Variants in GRID1 observed in about 807,000 individuals in gnomAD.
GRID1 encodes glutamate receptor ionotropic, delta-1.
A neutral mutation model predicts 98.0 loss-of-function variants in GRID1; 28 were observed. The observed-to-expected ratio is 0.29, with a 90% CI of 0.21 to 0.39. GRID1 has a LOEUF of 0.39. Among genes scored for constraint, GRID1 ranks in the 10% least tolerant of loss-of-function variants. GRID1 has a pLI of 1.00. For missense variants in GRID1, 1,111 were observed against 1,340.5 expected, an observed-to-expected ratio of 0.83 and a Z score of 2.67; for synonymous variants, 553 against 538.5, an observed-to-expected ratio of 1.03 and a Z score of -0.37.
At chr10:86,274,184 G>T (rs1296987686) in intron 2 of GRID1, among the ~76,000 whole-genome samples, 11 of 152,110 alleles carry the variant, frequency 7.2e-5, no homozygotes, top group African/African-American at 2.4e-4. Flanking sequence ...TTTCCCCATT[G>T]CTTGTTTTTC....
chr10:85,724,724 C>A (rs1000809027), intron 10 of GRID1, 48 bp from the exon 11 acceptor site: 2 of 1,514,308 alleles, frequency 1.3e-6, no homozygotes, highest in Non-Finnish European at 1.8e-6. Flanking sequence ...CAGCTTACTG[C>A]TGGGTTCTGC....
At chr10:86,026,003 C>T (rs569705609) in intron 4 of GRID1, among the ~76,000 whole-genome samples, 2 of 152,380 alleles carry the variant, frequency 1.3e-5, no homozygotes, top group African/African-American at 4.8e-5. Flanking sequence ...ACACCACCCT[C>T]TGGCTTGTTC....
chr10:86,255,194 T>C (rs908400695), intron 2 of GRID1, among the ~76,000 whole-genome samples: 2 of 152,252 alleles, frequency 1.3e-5, no homozygotes, highest in African/African-American at 4.8e-5. Flanking sequence ...GATGCAAACA[T>C]GCTTTTCTTT....
At chr10:85,920,468 C>T (rs1003778259) in intron 4 of GRID1, among the ~76,000 whole-genome samples, 8 of 152,184 alleles carry the variant, frequency 5.3e-5, no homozygotes, top group African/African-American at 1.9e-4. Context: ...ATTCAACAGA[C>T]AGAGCCCACC....
chr10:86,228,073 T>C (rs866713089), intron 2 of GRID1, among the ~76,000 whole-genome samples: 2 of 150,212 alleles, frequency 1.3e-5, no homozygotes, highest in Non-Finnish European at 3.0e-5. Flanking sequence ...GGGGACCGGG[T>C]TGGGGTGGAT....
chr10:86,104,438 C>A (rs1033563081), intron 4 of GRID1, among the ~76,000 whole-genome samples: 1 of 152,204 alleles, frequency 6.6e-6, no homozygotes, highest in Non-Finnish European at 1.5e-5. Context: ...TTAGCCAGGG[C>A]ATAGGATTCC....
intron 4 of GRID1, among the ~76,000 whole-genome samples, chr10:86,068,588 G>A (rs1443335039): frequency 6.6e-6 from 1 of 152,114 alleles, no homozygotes; most frequent in African/African-American, 2.4e-5. Flanking sequence ...TCCCACGTGG[G>A]GCTCCTGCCT....
At chr10:85,866,190 C>T (rs1013211207) in intron 6 of GRID1, among the ~76,000 whole-genome samples, 1 of 147,446 alleles carries the variant, frequency 6.8e-6, no homozygotes, top group Non-Finnish European at 1.5e-5. Flanking sequence ...GAGATGTGGA[C>T]AGTAAGTGGT....
In GRID1 at chr10:85,707,289, C is replaced by T. The variant is rs1841531603; in HGVS notation, c.1997+15714G>A. Among the ~76,000 whole-genome samples, 3 of 152,124 alleles carry T rather than the reference C, an allele frequency of 2.0e-5. No homozygotes were observed. The South Asian group carries it at 6.2e-4, about 32-fold the overall frequency. On this transcript the variant is annotated intron_variant, in intron 12 of 15. Coordinates refer to ENST00000327946, the MANE Select transcript of GRID1 (RefSeq NM_017551.3). ...AAGAAAAAAAAACAAACAATCCCAT[C>T]AAAAAGTGGGCTAAAGGATATGAAC...
chr10:85,797,033 A>T (rs1842531632), intron 8 of GRID1, among the ~76,000 whole-genome samples: 1 of 152,184 alleles, frequency 6.6e-6, no homozygotes, highest in Admixed American at 6.5e-5. Context: ...TACCTGGAAA[A>T]TTTTATTTTG....
chr10:85,630,640 T>G (rs1355156328), intron 13 of GRID1, among the ~76,000 whole-genome samples: 1 of 152,060 alleles, frequency 6.6e-6, no homozygotes, highest in African/African-American at 2.4e-5. Context: ...CTTCTCCAGA[T>G]CTGGTATTCT....
chr10:85,746,646 C>T (rs1010907003), intron 8 of GRID1, among the ~76,000 whole-genome samples: 23 of 152,058 alleles, frequency 1.5e-4, no homozygotes, highest in African/African-American at 5.6e-4. Flanking sequence ...ATGTAGATGT[C>T]CTGGAAGATA....
At chr10:86,126,782 G>A (rs1308855938) in intron 4 of GRID1, among the ~76,000 whole-genome samples, 1 of 152,208 alleles carries the variant, frequency 6.6e-6, no homozygotes, top group Non-Finnish European at 1.5e-5. Context: ...ACAAGAAATA[G>A]TGACCACACC....
intron 4 of GRID1, among the ~76,000 whole-genome samples, chr10:86,038,593 C>G (rs1306443298): frequency 6.6e-6 from 1 of 152,208 alleles, no homozygotes; most frequent in Non-Finnish European, 1.5e-5. Flanking sequence ...GAAACCATAC[C>G]CTGGAAGTCC....
intron 8 of GRID1, among the ~76,000 whole-genome samples, chr10:85,796,058 G>A (rs1377512971): frequency 6.6e-6 from 1 of 152,168 alleles, no homozygotes; most frequent in African/African-American, 2.4e-5. Context: ...GATCAGTCAT[G>A]GGAAGCCTTC....
intron 12 of GRID1, among the ~76,000 whole-genome samples, chr10:85,692,261 T>C (rs1841341538): frequency 6.6e-6 from 1 of 152,174 alleles, no homozygotes; most frequent in African/African-American, 2.4e-5. Context: ...TGGAGAACTA[T>C]AAAATGAATG....
At chr10:85,830,071 A>G (rs1204137991) in intron 8 of GRID1, among the ~76,000 whole-genome samples, 1 of 152,248 alleles carries the variant, frequency 6.6e-6, no homozygotes, top group Non-Finnish European at 1.5e-5. Flanking sequence ...CTACAAGGCT[A>G]CAGTAGCCAG....
rs184272739 is a variant in GRID1 at position 85,792,451 on chromosome 10, A to C, written c.1233+62045T>G. On this transcript the variant is annotated intron_variant, in intron 8 of 15. Transcript: ENST00000327946. ...TGATTTTCACTCTTGGCTGCACTTC[A>C]TAAGTCATCAGACACTGGAAGCCAG... is the stretch of plus-strand genomic sequence containing the variant. Among the ~76,000 whole-genome samples, 387 of 152,314 alleles carry C rather than the reference A, an allele frequency of 2.5e-3. 2 individuals carry two copies. Among genetic ancestry groups the C allele is most frequent in the African/African-American group, 8.9e-3 (371 of 41,572 alleles).
chr10:85,749,972 T>C (rs1842030963), intron 8 of GRID1, among the ~76,000 whole-genome samples: 1 of 152,200 alleles, frequency 6.6e-6, no homozygotes, highest in Admixed American at 6.5e-5. Context: ...TTCTAAACTT[T>C]TATAGATTTC....
Sources: allele counts gnomAD v4.1 joint callset (sites outside exome capture counted in the v4.1 genomes callset), GRCh38; gene constraint gnomAD v4.1.1; transcripts MANE v1.5; gene names NCBI Gene and HGNC (gene_info 2026-07-23, HGNC 2026-07-21).